The following EFCAB13 variants were observed in gnomAD, a reference collection of about 807,000 sequenced individuals.
EFCAB13 encodes the protein EF-hand calcium-binding domain-containing protein 13.
A neutral mutation model predicts 110.2 loss-of-function variants in EFCAB13; 91 were observed. The ratio of observed to expected loss-of-function variants is 0.83; its 90% CI spans 0.70 to 0.98. The LOEUF (loss-of-function observed/expected upper bound fraction) is 0.98. Ranked by LOEUF, EFCAB13 falls within the 50% of genes least tolerant of loss-of-function variation. The pLI is 0.00. For missense variants in EFCAB13, 968 were observed against 1,119.4 expected (o/e 0.86, Z 1.93); for synonymous variants, 323 against 369.9 (o/e 0.87, Z 1.45).
chr17:47,403,874 A>G lies in EFCAB13; in HGVS notation c.2018-4A>G, dbSNP rs752818621. On this transcript the variant is annotated splice_region_variant and splice_polypyrimidine_tract_variant and intron_variant, in intron 18 of 24. Coordinates refer to ENST00000331493, the MANE Select transcript of EFCAB13 (RefSeq NM_152347.5). The stretch of plus-strand genomic sequence containing the variant: ...TTATTAATTAACTTTTTTTCTATTT[A>G]TAGAGTTACAGGAAGTTGTCTTAGC... 5 of 1,585,610 alleles carry G rather than the reference A, an allele frequency of 3.2e-6. No individual in the cohort carries two copies. The South Asian group carries it at 3.5e-5, about 11-fold the overall frequency.
intron 9 of EFCAB13, among the ~76,000 whole-genome samples, chr17:47,351,316 C>CGT (rs2065451384): frequency 1.8e-5 from 2 of 112,062 alleles, no homozygotes; most frequent in African/African-American, 3.1e-5. Flanking sequence ...CGCGCGCGCG[C>CGT]GCGCGCGCGC....
intron 5 of EFCAB13, chr17:47,340,214 C>A (rs2065376381): frequency 6.6e-6 from 1 of 151,042 alleles, no homozygotes; most frequent in Non-Finnish European, 1.5e-5. Context: ...TCTTACCTTT[C>A]TTTCTTTCTT....
At position 47,328,276 on chromosome 17, in the gene EFCAB13, T is replaced by C; in HGVS notation, c.-78T>C. The C allele has an allele frequency of 8.0e-7, 1 of 1,253,094 alleles. No homozygotes were observed. Among genetic ancestry groups the C allele is most frequent in the Non-Finnish European group, 1.2e-6 (1 of 856,782 alleles). 77.6% of individuals were successfully genotyped at this position (1,253,094 alleles called of 1,614,324 possible). ...TTTCTCTTTTTTTGGCAGGAAATCC[T>C]TTTGTACTATTGCTCATTCATACTT... On this transcript the variant is annotated 5_prime_UTR_variant, in exon 4 of 25. Transcript: ENST00000331493.
chr17:47,419,013 C>T (rs976326093), intron 23 of EFCAB13, among the ~76,000 whole-genome samples: 5 of 152,024 alleles, frequency 3.3e-5, no homozygotes, highest in South Asian at 2.1e-4. Flanking sequence ...TAGAATTACC[C>T]GTAAAGCTGG....
chr17:47,424,462 T>C (rs1193700661), intron 23 of EFCAB13, among the ~76,000 whole-genome samples: 6 of 152,182 alleles, frequency 3.9e-5, no homozygotes, highest in African/African-American at 1.4e-4. Flanking sequence ...GAAAACAAAA[T>C]AGCAGAGGAA....
intron 21 of EFCAB13, among the ~76,000 whole-genome samples, chr17:47,411,394 C>G (rs976792814): frequency 1.3e-5 from 2 of 152,188 alleles, no homozygotes; most frequent in African/African-American, 2.4e-5. Context: ...AATGTCATTT[C>G]TGATGCCATA....
At position 47,374,949 on chromosome 17, in the gene EFCAB13, C is replaced by G. The variant is rs1390709159; in HGVS notation, c.1355C>G (p.Thr452Ser). ...AAACAGGTTTCGTCTACGGAAAAAA[C>G]TGCAATTAGTACTCTGGGTAAGTAA... ...LQKQVSSTEK[T>S]AISTLENFCE... is the part of the protein sequence containing the mutation. Residue 452 changes from threonine (T) to serine (S), a missense_variant, in exon 12 of 25, where the codon ACT becomes AGT. Physicochemically the swap from Thr to Ser is moderately conservative, Grantham distance 58 (BLOSUM62 1). Transcript: ENST00000331493. 2.5e-6 allele frequency: 4 copies of G among 1,578,498 alleles called. No individual in the cohort carries two copies. Among genetic ancestry groups the G allele is most frequent in the Non-Finnish European group, 3.4e-6 (4 of 1,168,562 alleles).
chr17:47,377,716 T>A, intron 12 of EFCAB13, 50 bp from the exon 13 acceptor site: 1 of 1,460,072 alleles, frequency 6.8e-7, no homozygotes, highest in Non-Finnish European at 9.1e-7. Context: ...TTATTGCTTT[T>A]GACACATAAA....
chr17:47,397,476 G>A (rs1345139001), intron 17 of EFCAB13, among the ~76,000 whole-genome samples: 12 of 146,050 alleles, frequency 8.2e-5, no homozygotes, highest in East Asian at 2.1e-4. Context: ...GCCGCCCATC[G>A]TCTGGGACGT....
intron 17 of EFCAB13, among the ~76,000 whole-genome samples, chr17:47,400,984 G>T (rs1187499514): frequency 6.6e-6 from 1 of 152,206 alleles, no homozygotes; most frequent in African/African-American, 2.4e-5. Flanking sequence ...ATGAGGAATG[G>T]AATGTACAAA....
intron 24 of EFCAB13, among the ~76,000 whole-genome samples, chr17:47,437,018 C>T (rs748745130): frequency 6.6e-6 from 1 of 151,988 alleles, no homozygotes; most frequent in African/African-American, 2.4e-5. Flanking sequence ...ATTTTTGACC[C>T]AATGCTCATT....
At chr17:47,417,964 T>C (rs1567804628) in intron 23 of EFCAB13, among the ~76,000 whole-genome samples, 1 of 152,222 alleles carries the variant, frequency 6.6e-6, no homozygotes, top group African/African-American at 2.4e-5. Context: ...TGGAGCCAAG[T>C]AGACCACTTC....
At chr17:47,349,364 A>G (rs760107556) in intron 9 of EFCAB13, among the ~76,000 whole-genome samples, 23 of 152,220 alleles carry the variant, frequency 1.5e-4, no homozygotes, top group African/African-American at 5.5e-4. Flanking sequence ...AGATGAATTC[A>G]TAGTTATTTA....
chr17:47,343,550 C>T (rs763106667), intron 6 of EFCAB13, among the ~76,000 whole-genome samples: 2 of 152,054 alleles, frequency 1.3e-5, no homozygotes, highest in Non-Finnish European at 2.9e-5. Context: ...TCTTGTGTAA[C>T]GTGAGAGTCT....
At chr17:47,423,531 C>A in intron 23 of EFCAB13, 7 of 286,250 alleles carry the variant, frequency 2.4e-5, no homozygotes, top group Non-Finnish European at 4.5e-5. Flanking sequence ...TTCTCCCGAT[C>A]CCCGGCCGTG....
chr17:47,385,217 G>A (rs1456253588), intron 14 of EFCAB13, among the ~76,000 whole-genome samples: 1 of 152,138 alleles, frequency 6.6e-6, no homozygotes, highest in Non-Finnish European at 1.5e-5. Context: ...AGTTCTCCCA[G>A]ATAATATCCT....
intron 14 of EFCAB13, among the ~76,000 whole-genome samples, chr17:47,384,038 A>G (rs1454680798): frequency 6.6e-6 from 1 of 151,854 alleles, no homozygotes; most frequent in Non-Finnish European, 1.5e-5. Context: ...GGGTGCATAT[A>G]TATTTAGGAT....
chr17:47,421,640 AG>A (rs770402180), intron 23 of EFCAB13, among the ~76,000 whole-genome samples: 1,985 of 76,972 alleles, frequency 0.026, 44 homozygotes, highest in African/African-American at 0.1. Context: ...AAAGAAAGAA[AG>A]AAAAAAAAAA....
intron 5 of EFCAB13, among the ~76,000 whole-genome samples, chr17:47,340,824 C>G (rs1158205460): frequency 1.5e-5 from 2 of 136,784 alleles, no homozygotes. Context: ...TCATATTGTC[C>G]AGGCTAGTCC....
Sources: allele counts gnomAD v4.1 joint callset (sites outside exome capture counted in the v4.1 genomes callset), GRCh38; gene constraint gnomAD v4.1.1; transcripts MANE v1.5; gene names NCBI Gene and HGNC (gene_info 2026-07-23, HGNC 2026-07-21).